ATP2C2: variants seen among roughly 807,000 people sequenced by gnomAD.
ATP2C2 encodes the protein calcium-transporting ATPase type 2C member 2.
In ATP2C2, 171 loss-of-function variants were observed where a neutral mutation model predicts 110.8. The ratio of observed to expected loss-of-function variants is 1.54; its 90% CI spans 1.36 to 1.75. ATP2C2 has a LOEUF of 1.75. ATP2C2 is among the 40% of genes most tolerant of loss of function. The probability of loss-of-function intolerance (pLI) is 0.00; values close to 1 mark genes in which losing one functional copy is unlikely to be tolerated. For missense variants in ATP2C2, 1,963 were observed against 1,235.0 expected, an observed-to-expected ratio of 1.59 and a Z score of -8.84; for synonymous variants, 804 against 508.4, an observed-to-expected ratio of 1.58 and a Z score of -7.82.
rs754517039 is a variant in ATP2C2, at chr16:84,398,532, A to G, written c.133A>G (p.Lys45Glu). 1.9e-6 allele frequency: 3 copies of G among 1,613,168 alleles called. No individual in the cohort carries two copies. The highest frequency in any genetic ancestry group is 2.5e-6 in the Non-Finnish European group (3 of 1,179,722). ...DEQSELKAIE[K>E]EKKVTALPPK... ...ACAGAGTGAGCTGAAAGCCATCGAG[A>G]AAGAGAAGAAGGTGACAGCCCTGCC... The change falls in exon 2 of 27, where the codon AAA becomes GAA. Residue 45 changes from lysine to glutamate, a missense_variant. Transcript: ENST00000262429.
At chr16:84,406,607 A>G (rs569241146) in intron 3 of ATP2C2, 1 of 985,568 alleles carries the variant, frequency 1.0e-6, no homozygotes, top group East Asian at 1.1e-4. Flanking sequence ...TGTTCTGGGA[A>G]TGTTATTCAT....
chr16:84,406,543 C>T (rs1355099101), intron 3 of ATP2C2: 2 of 964,002 alleles, frequency 2.1e-6, no homozygotes, highest in Admixed American at 6.2e-5. Flanking sequence ...TGGGCAGCAT[C>T]CTCTGTCTCC....
At chr16:84,396,884 C>T (rs902965245) in intron 1 of ATP2C2, among the ~76,000 whole-genome samples, 1 of 151,892 alleles carries the variant, frequency 6.6e-6, no homozygotes, top group Non-Finnish European at 1.5e-5. Flanking sequence ...GAGTGAGAAG[C>T]AGCCGCATGA....
At chr16:84,448,879 G>A (rs1318127221) in intron 17 of ATP2C2, among the ~76,000 whole-genome samples, 190 bp downstream of exon 17, 2 of 152,156 alleles carry the variant, frequency 1.3e-5, no homozygotes, top group Non-Finnish European at 1.5e-5. Flanking sequence ...CCTCATCCCA[G>A]TTCCTTAGTG....
At position 84,440,646 on chromosome 16, in the gene ATP2C2, C is replaced by A. The variant is rs369310746; in HGVS notation, c.1210-211C>A. ...GCTGCAGAGTATCCCACTGAGTCAA[C>A]TTGCTGCAACTTACTCATGCCTGGT... is the stretch of plus-strand genomic sequence containing the variant. On this transcript the variant is annotated intron_variant, in intron 13 of 26. Coordinates refer to ENST00000262429, the MANE Select transcript of ATP2C2 (RefSeq NM_014861.4). 1.4e-4 allele frequency among the ~76,000 whole-genome samples: 21 copies of A among 152,354 alleles called. No individual in the cohort carries two copies. In the South Asian group the frequency reaches 4.4e-3, roughly 32 times the overall value.
At chr16:84,452,787 C>A (rs1910413659) in intron 18 of ATP2C2, among the ~76,000 whole-genome samples, 1 of 152,148 alleles carries the variant, frequency 6.6e-6, no homozygotes, top group African/African-American at 2.4e-5. Context: ...GCATGAGCCA[C>A]TGCGCCCAGC....
intron 24 of ATP2C2, chr16:84,461,419 C>T (rs1410194754): frequency 3.7e-6 from 2 of 535,022 alleles, no homozygotes; most frequent in Non-Finnish European, 6.7e-6. Flanking sequence ...CTGGGTTTAA[C>T]TGGAGTGGCA....
chr16:84,420,951 G>T (rs191334640), intron 7 of ATP2C2, among the ~76,000 whole-genome samples: 1 of 152,052 alleles, frequency 6.6e-6, no homozygotes, highest in South Asian at 2.1e-4. Flanking sequence ...GATTACAGGC[G>T]CCTGCCCCCA....
intron 2 of ATP2C2, 108 bp from the exon 3 acceptor site, chr16:84,405,020 C>A: frequency 1.1e-6 from 1 of 915,670 alleles, no homozygotes. Flanking sequence ...AAGCCTGTGT[C>A]CCTGGCCCAT....
chr16:84,446,777 G>A lies in ATP2C2; in HGVS notation c.1503+347G>A, dbSNP rs117434697. On this transcript the variant is annotated intron_variant, in intron 16 of 26. Transcript: ENST00000262429. ...ACCTTCATTTTCTGCAGATTCTGATGCAGGTGCAAATGTTGAGATCGACCA... is the reference window on the plus strand; with the variant it reads ...ACCTTCATTTTCTGCAGATTCTGATACAGGTGCAAATGTTGAGATCGACCA... Among the ~76,000 whole-genome samples the A allele has an allele frequency of 9.0e-3, 1,367 of 152,290 alleles. 8 individuals carry two copies. Among genetic ancestry groups the A allele is most frequent in the Non-Finnish European group, 0.015 (1,014 of 68,016 alleles).
intron 11 of ATP2C2, among the ~76,000 whole-genome samples, chr16:84,430,626 T>G: frequency 1.8e-5 from 2 of 113,302 alleles, no homozygotes; most frequent in Non-Finnish European, 3.5e-5. Context: ...GGCAGCAGAG[T>G]GAGACACCAT....
At chr16:84,417,839 A>G (rs769169226) in intron 7 of ATP2C2, among the ~76,000 whole-genome samples, 68 of 152,270 alleles carry the variant, frequency 4.5e-4, no homozygotes, top group Non-Finnish European at 5.1e-4. Flanking sequence ...TAAACAATCA[A>G]TAGCTTTGCC....
intron 25 of ATP2C2, 38 bp downstream of exon 25, chr16:84,461,850 TG>T (rs766379299): frequency 8.1e-6 from 13 of 1,609,794 alleles, no homozygotes; most frequent in Non-Finnish European, 1.1e-5. Context: ...GCAGAGCTGC[TG>T]TGTGTTCTCG....
chr16:84,444,162 CAAA>C (rs71151217), intron 15 of ATP2C2, among the ~76,000 whole-genome samples: 3 of 104,574 alleles, frequency 2.9e-5, no homozygotes, highest in African/African-American at 3.9e-5. Context: ...GATCCTGCCT[CAAA>C]AAAAAAAAAA....
rs1215253844 is a variant in ATP2C2 at position 84,391,131 on chromosome 16, A to AAAAT, written c.100-7365_100-7364insTAAA. Among the ~76,000 whole-genome samples the AAAAT allele has an allele frequency of 3.1e-3, 467 of 151,280 alleles. 3 individuals carry two copies. Among genetic ancestry groups the AAAAT allele is most frequent in the African/African-American group, 0.011 (446 of 41,090 alleles). On this transcript the variant is annotated intron_variant, in intron 1 of 26. Transcript: ENST00000262429. ...TCAGACTCAAAAAAAAAAAAAAAAA[A>AAAAT]AAAGAAGAAGAAGAAGGGAAGGTTT...
At chr16:84,410,254 G>A (rs1002783985) in intron 4 of ATP2C2, among the ~76,000 whole-genome samples, 1 of 152,076 alleles carries the variant, frequency 6.6e-6, no homozygotes, top group Non-Finnish European at 1.5e-5. Flanking sequence ...ATGGAGAAGG[G>A]TGTTTGCAGC....
chr16:84,452,267 C>T (rs1910356432), intron 18 of ATP2C2, among the ~76,000 whole-genome samples, 176 bp downstream of exon 18: 1 of 152,166 alleles, frequency 6.6e-6, no homozygotes, highest in African/African-American at 2.4e-5. Context: ...CTGAGGTGTT[C>T]TCGTTTCTGA....
In ATP2C2 at chr16:84,459,124, G is replaced by T. The variant is rs369306854; in HGVS notation, c.2152G>T (p.Ala718Ser). The change falls in exon 22 of 27, where the codon GCA (alanine) becomes TCA (serine). Residue 718 changes from alanine (A) to serine (S), a missense_variant. Transcript: ENST00000262429. ...VDDDFSAIMNAVEEGKGIFYN... is the reference protein window; with the variant it reads ...VDDDFSAIMNSVEEGKGIFYN... Reference sequence around the variant, plus strand: ...AATGGCTCTCTTCTCTTGCAGGAATGCAGTGGAGGAAGGCAAGGGTATTTT... The same window carrying T: ...AATGGCTCTCTTCTCTTGCAGGAATTCAGTGGAGGAAGGCAAGGGTATTTT... 6.2e-6 allele frequency: 10 copies of T among 1,614,006 alleles called. No homozygotes were observed. The African/African-American group carries it at 1.3e-4, about 22-fold the overall frequency.
Position 84,405,262 on chromosome 16 carries a change from A to G in ATP2C2, c.327+18A>G. ...TGGATCAGGTAGGACCAGAGGTGTC[A>G]TTCTTTGCATTAACATGCATAAGCC... On this transcript the variant is annotated intron_variant, in intron 3 of 26. Coordinates refer to ENST00000262429, the MANE Select transcript of ATP2C2 (RefSeq NM_014861.4). 3 of 1,593,706 alleles carry G rather than the reference A, an allele frequency of 1.9e-6. No individual in the cohort carries two copies. Among genetic ancestry groups the G allele is most frequent in the Non-Finnish European group, 2.6e-6 (3 of 1,163,644 alleles).
Sources: allele counts gnomAD v4.1 joint callset (sites outside exome capture counted in the v4.1 genomes callset), GRCh38; gene constraint gnomAD v4.1.1; transcripts MANE v1.5; gene names NCBI Gene and HGNC (gene_info 2026-07-23, HGNC 2026-07-21).